The following TLR1 variants were observed in gnomAD, a reference collection of about 807,000 sequenced individuals.
The protein encoded by TLR1 is toll like receptor 1, also known as toll-like receptor 1.
A neutral mutation model predicts 20.2 loss-of-function variants in TLR1; 19 were observed. That is an observed-to-expected ratio of 0.94 (90% CI 0.66 to 1.38). The LOEUF (loss-of-function observed/expected upper bound fraction) is 1.38. Ranked by LOEUF, TLR1 falls within the 40% of genes most tolerant of loss-of-function variation. The pLI is 0.00. For synonymous variants in TLR1, 320 were observed against 334.5 expected, an observed-to-expected ratio of 0.96 and a Z score of 0.47; for missense variants, 921 against 910.0, an observed-to-expected ratio of 1.01 and a Z score of -0.16.
At chr4:38,789,044 CA>C (rs1478403094), downstream of TLR1, among the ~76,000 whole-genome samples, 1 of 152,102 alleles carries the variant, frequency 6.6e-6, no homozygotes, top group East Asian at 1.9e-4. Flanking sequence ...ATATTTAAAA[CA>C]AAAGTAGTAA....
downstream of TLR1, among the ~76,000 whole-genome samples, chr4:38,790,370 A>C (rs1725687453): frequency 6.6e-6 from 1 of 152,216 alleles, no homozygotes; most frequent in African/African-American, 2.4e-5. Flanking sequence ...TATGTTGCAA[A>C]TGATTTTTCT....
rs190900643 is a variant in TLR1, at chr4:38,799,253, T to A, written c.-67-355A>T. ...TAAGGATCTTGAGATGAGGAGATCATCCCAAATTATCCAGGTGGTCCATAA... is the reference window on the plus strand; with the variant it reads ...TAAGGATCTTGAGATGAGGAGATCAACCCAAATTATCCAGGTGGTCCATAA... On this transcript the variant is annotated intron_variant, in intron 3 of 3. Coordinates refer to ENST00000308979, the MANE Select transcript of TLR1 (RefSeq NM_003263.4). Among the ~76,000 whole-genome samples the A allele has an allele frequency of 4.6e-3, 708 of 152,314 alleles. 5 individuals carry two copies. The highest frequency in any genetic ancestry group is 0.017 in the African/African-American group (689 of 41,560).
At chr4:38,788,709 T>C (rs1725655071), downstream of TLR1, among the ~76,000 whole-genome samples, 1 of 152,230 alleles carries the variant, frequency 6.6e-6, no homozygotes, top group African/African-American at 2.4e-5. Context: ...TACCTGCATT[T>C]AAATAAACTA....
chr4:38,798,438 A>C lies in TLR1; in HGVS notation c.394T>G (p.Cys132Gly), dbSNP rs141970382. Reference protein sequence around the residue: ...SFNAFDALPICKEFGNMSQLK... With the variant: ...SFNAFDALPIGKEFGNMSQLK... Reference sequence around the variant, plus strand: ...TGAGACATATTGCCAAACTCTTTGCATATAGGCAGGGCATCAAATGCATTA... The same window carrying C: ...TGAGACATATTGCCAAACTCTTTGCCTATAGGCAGGGCATCAAATGCATTA... Residue 132 changes from cysteine (C) to glycine (G), a missense_variant, in exon 4 of 4, where the codon TGC (cysteine) becomes GGC (glycine). Physicochemically the swap from Cys to Gly is radical, Grantham distance 159. Transcript: ENST00000308979. 2.2e-4 allele frequency: 353 copies of C among 1,613,932 alleles called. 1 individual carries two copies. Among genetic ancestry groups the C allele is most frequent in the Middle Eastern group, 3.3e-4 (2 of 6,062 alleles).
chr4:38,796,627 C>T lies in TLR1; in HGVS notation c.2205G>A (p.Pro735=), dbSNP rs145159325. The T allele has an allele frequency of 1.7e-5, 28 of 1,614,132 alleles. No individual in the cohort carries two copies. Among genetic ancestry groups the T allele is most frequent in the Admixed American group, 5.0e-5 (3 of 60,018 alleles). Residue 735 remains proline, a synonymous_variant, in exon 4 of 4, where the codon CCG becomes CCA. Transcript: ENST00000308979. ...GATAACTGCTAGGAATGGAGTACTG[C>T]GGAATGGGTTCCAGCAAGATCAGGA... ...SLILILLEPI[P]QYSIPSSYHK... is the part of the protein sequence containing the mutation.
chr4:38,796,903 A>C lies in TLR1; in HGVS notation c.1929T>G (p.Tyr643Ter), dbSNP rs780567988. The change falls in exon 4 of 4, where the codon TAT becomes TAG. Residue 643 changes from tyrosine to a stop codon, truncating the protein, a stop_gained. Coordinates refer to ENST00000308979, the MANE Select transcript of TLR1 (RefSeq NM_003263.4). LOFTEE classifies it high-confidence loss of function. ...RNLQFHAFIS[Y>*]SGHDSFWVKN... ...TCACCCAGAAAGAATCGTGCCCACT[A>C]TATGAAATAAATGCATGAAACTGGA... 5 of 1,614,216 alleles carry C rather than the reference A, an allele frequency of 3.1e-6. No individual in the cohort carries two copies. In the Admixed American group the frequency reaches 8.3e-5, roughly 27 times the overall value.
chr4:38,798,196 A>C lies in TLR1; in HGVS notation c.636T>G (p.Thr212=), dbSNP rs747929180. ...FHFILDVSVK[T]VANLELSNIK... ...TATTAGATAGTTCCAGATTTGCTAC[A>C]GTCTTGACTGACACATCCAAAATAA... is the stretch of plus-strand genomic sequence containing the variant. Residue 212 remains threonine, a synonymous_variant, in exon 4 of 4, where the codon ACT becomes ACG. Transcript: ENST00000308979. The C allele has an allele frequency of 1.2e-6, 2 of 1,613,966 alleles. No homozygotes were observed.
chr4:38,797,626 T>C lies in TLR1; in HGVS notation c.1206A>G (p.Gln402=), dbSNP rs187241225. ...TTACAGAATTCTGGCTAATATCCAA[T>C]TGTTGCAGAGACTTCATCTGTGTAG... is the stretch of plus-strand genomic sequence containing the variant. ...EMTTQMKSLQ[Q]LDISQNSVSY... The change falls in exon 4 of 4, where the codon CAA becomes CAG. Residue 402 remains glutamine, a synonymous_variant. Coordinates refer to ENST00000308979, the MANE Select transcript of TLR1 (RefSeq NM_003263.4). The C allele has an allele frequency of 2.5e-6, 4 of 1,613,862 alleles. No individual in the cohort carries two copies. The East Asian group carries it at 6.7e-5, about 27-fold the overall frequency.
At chr4:38,794,039 C>G (rs933192251), downstream of TLR1, among the ~76,000 whole-genome samples, 3 of 152,182 alleles carry the variant, frequency 2.0e-5, no homozygotes, top group Admixed American at 2.0e-4. Context: ...TCAAAAGCAG[C>G]CAACCCTGCC....
Position 38,796,973 on chromosome 4 carries a change from CG to C in TLR1, c.1858del (p.Arg620GlyfsTer9), listed in dbSNP as rs1560456727. ...LRMVCQWTQT[R>X]RRARNIPLEE... ...TAAGGGTATGTTCCTGGCCCTGCGCCGGGTCTGGGTCCACTGGCACACCATC... is the reference window on the plus strand; with the variant it reads ...TAAGGGTATGTTCCTGGCCCTGCGCCGGTCTGGGTCCACTGGCACACCATC... On this transcript the variant is annotated frameshift_variant, in exon 4 of 4. Transcript: ENST00000308979. LOFTEE classifies it high-confidence loss of function. 6.2e-7 allele frequency: 1 copy of C among 1,614,032 alleles called. No individual in the cohort carries two copies. The highest frequency in any genetic ancestry group is 2.2e-5 in the East Asian group (1 of 44,894).
In TLR1 at chr4:38,796,555, G is replaced by A. The variant is rs752847915; in HGVS notation, c.2277C>T (p.Pro759=). 6.2e-7 allele frequency: 1 copy of A among 1,614,126 alleles called. No homozygotes were observed. Among genetic ancestry groups the A allele is most frequent in the Non-Finnish European group, 8.5e-7 (1 of 1,180,018 alleles). The change falls in exon 4 of 4, where the codon CCC becomes CCT. Residue 759 remains proline (P), a synonymous_variant. Coordinates refer to ENST00000308979, the MANE Select transcript of TLR1 (RefSeq NM_003263.4). ...AAAGGCCACGTTTGCTCTTTTCCTTGGGCCATTCCAAATAAGTCCTCCTGG... is the reference window on the plus strand; with the variant it reads ...AAAGGCCACGTTTGCTCTTTTCCTTAGGCCATTCCAAATAAGTCCTCCTGG... ...LMARRTYLEW[P]KEKSKRGLFW...
downstream of TLR1, among the ~76,000 whole-genome samples, chr4:38,789,587 C>A (rs1725670884): frequency 6.6e-6 from 1 of 151,958 alleles, no homozygotes; most frequent in Non-Finnish European, 1.5e-5. Context: ...TTCAGCCTCC[C>A]AAGTAGCTGA....
chr4:38,794,567 G>T (rs545239859), downstream of TLR1: 1 of 151,366 alleles, frequency 6.6e-6, no homozygotes, highest in South Asian at 2.1e-4. Context: ...TGTTTAGAAT[G>T]GCCTTTCCAT....
Position 38,798,799 on chromosome 4 carries a change from G to A in TLR1, c.33C>T (p.Phe11=), listed in dbSNP as rs140743873. The A allele has an allele frequency of 2.9e-5, 46 of 1,601,966 alleles. No individual in the cohort carries two copies. The highest frequency in any genetic ancestry group is 1.0e-5 in the Non-Finnish European group (12 of 1,174,906). MTSIFHFAII[F]MLILQIRIQL... ...GTATTCTGATCTGAAGTATTAACAT[G>A]AAGATAATGGCAAAATGGAAGATGC... Residue 11 remains phenylalanine (F), a synonymous_variant, in exon 4 of 4, where the codon TTC becomes TTT. Transcript: ENST00000308979.
At chr4:38,801,795 C>A (rs1458294604) in intron 2 of TLR1, among the ~76,000 whole-genome samples, 1 of 152,152 alleles carries the variant, frequency 6.6e-6, no homozygotes, top group African/African-American at 2.4e-5. Context: ...TAACTGCCTG[C>A]CCCCAAGTGT....
chr4:38,798,243 G>A lies in TLR1; in HGVS notation c.589C>T (p.Pro197Ser). The A allele has an allele frequency of 1.2e-6, 2 of 1,613,506 alleles. No individual in the cohort carries two copies. The highest frequency in any genetic ancestry group is 3.3e-5 in the Admixed American group (2 of 59,966). ...FNTESLHIVF[P>S]TNKEFHFILD... ...ATAAAATGGAATTCTTTGTTTGTGG[G>A]GAACACAATGTGCAGACTCTCAGTG... Residue 197 changes from proline to serine, a missense_variant, in exon 4 of 4, where the codon CCC becomes TCC. Coordinates refer to ENST00000308979, the MANE Select transcript of TLR1 (RefSeq NM_003263.4).
At position 38,798,020 on chromosome 4, in the gene TLR1, G is replaced by A. The variant is rs1173191054; in HGVS notation, c.812C>T (p.Thr271Ile). ...TGAAATTGAGAAATACCATACAGTT[G>A]TATGCCAAACCAGCTGGAGGATCCT... is the stretch of plus-strand genomic sequence containing the variant. Reference protein sequence around the residue: ...FIRILQLVWHTTVWYFSISNV... With the variant: ...FIRILQLVWHITVWYFSISNV... Residue 271 changes from threonine (T) to isoleucine (I), a missense_variant, in exon 4 of 4, where the codon ACA becomes ATA. Transcript: ENST00000308979. 1.2e-6 allele frequency: 2 copies of A among 1,614,162 alleles called. No homozygotes were observed. Among genetic ancestry groups the A allele is most frequent in the South Asian group, 1.1e-5 (1 of 91,080 alleles).
chr4:38,794,983 G>C (rs1390635018), downstream of TLR1, among the ~76,000 whole-genome samples: 1 of 152,180 alleles, frequency 6.6e-6, no homozygotes, highest in Non-Finnish European at 1.5e-5. Context: ...CAGGACTCAA[G>C]AGTGACCCGA....
downstream of TLR1, among the ~76,000 whole-genome samples, chr4:38,791,997 C>T (rs1411800526): frequency 6.6e-6 from 1 of 152,162 alleles, no homozygotes; most frequent in Non-Finnish European, 1.5e-5. Context: ...AGTGAATAGC[C>T]ATGACCCTGA....
Sources: gnomAD v4.1 joint callset for allele counts (sites outside exome capture counted in the v4.1 genomes callset) on GRCh38, gnomAD v4.1.1 for gene constraint, MANE v1.5 for transcripts, NCBI Gene and HGNC (gene_info 2026-07-23, HGNC 2026-07-21) for gene names.